Variants in ZNF229 observed in about 807,000 individuals in gnomAD.
The protein encoded by ZNF229 is zinc finger protein 229.
In ZNF229, 10 loss-of-function variants were observed where a neutral mutation model predicts 11.8. That is an observed-to-expected ratio of 0.85 (90% confidence interval 0.52 to 1.44). The LOEUF (loss-of-function observed/expected upper bound fraction) is 1.44, where lower values mean the gene tolerates loss of function less well. Ranked by LOEUF, ZNF229 falls within the 40% of genes most tolerant of loss-of-function variation. The pLI is 0.00. For synonymous variants in ZNF229, 368 were observed against 374.8 expected, an observed-to-expected ratio of 0.98 and a Z score of 0.21; for missense variants, 1,045 against 1,015.1, an observed-to-expected ratio of 1.03 and a Z score of -0.40.
rs763117277 is a variant in ZNF229 at position 44,430,378 on chromosome 19, C to T, written c.403G>A (p.Glu135Lys). 3.1e-6 allele frequency: 5 copies of T among 1,614,182 alleles called. No individual in the cohort carries two copies. The Admixed American group carries it at 8.3e-5, about 27-fold the overall frequency. Residue 135 changes from glutamate to lysine, a missense_variant, in exon 6 of 6, where the codon GAA (glutamate) becomes AAA (lysine). Glu to Lys is a moderately conservative substitution (Grantham distance 56, BLOSUM62 1). Coordinates refer to ENST00000614049, the MANE Select transcript of ZNF229 (RefSeq NM_014518.4). ...CACCCTTGATGGGGAGCAGCATCTT[C>T]TGAGAACTGGAAGTCTTTTCCTTGC... ...NLQGKDFQFS[E>K]DAAPHQGWEG...
intron 4 of ZNF229, among the ~76,000 whole-genome samples, chr19:44,439,029 G>A (rs895113940): frequency 6.6e-6 from 1 of 152,152 alleles, no homozygotes. Context: ...GCAACTGGTG[G>A]GAGGGAGGAG....
chr19:44,440,301 G>T (rs1971886081), intron 4 of ZNF229, among the ~76,000 whole-genome samples: 1 of 151,360 alleles, frequency 6.6e-6, no homozygotes, highest in Admixed American at 6.6e-5. Flanking sequence ...AGAAAGAAAA[G>T]AAAAAGAAAA....
chr19:44,443,643 T>A (rs536783722), intron 2 of ZNF229, among the ~76,000 whole-genome samples: 2 of 152,324 alleles, frequency 1.3e-5, no homozygotes, highest in African/African-American at 2.4e-5. Context: ...ACATTCAATA[T>A]AAACAATAAA....
upstream of ZNF229, chr19:44,448,505 C>A (rs1174395017): frequency 6.6e-6 from 1 of 152,178 alleles, no homozygotes; most frequent in African/African-American, 2.4e-5. Flanking sequence ...GTAGTCGACT[C>A]GAGGTGTGGG....
intron 5 of ZNF229, chr19:44,431,669 G>C: frequency 1.4e-6 from 1 of 738,990 alleles, no homozygotes; most frequent in Non-Finnish European, 1.7e-6. Context: ...CCACAGGCAA[G>C]ACAAGGGGTG....
intron 5 of ZNF229, 197 bp downstream of exon 5, chr19:44,432,025 A>T (rs1971731604): frequency 5.2e-6 from 6 of 1,147,840 alleles, no homozygotes; most frequent in Non-Finnish European, 4.6e-6. Context: ...ACCAGAACCC[A>T]ACTATGCTGG....
chr19:44,444,376 T>C (rs1971969953), intron 2 of ZNF229, among the ~76,000 whole-genome samples: 1 of 152,204 alleles, frequency 6.6e-6, no homozygotes, highest in Non-Finnish European at 1.5e-5. Context: ...TAACCATCTG[T>C]ACCAGCCCTC....
chr19:44,430,174 A>C lies in ZNF229; in HGVS notation c.607T>G (p.Cys203Gly), dbSNP rs375085632. ...VNQLGDVQER[C>G]KNLDTEDTVY... ...GTGTCTTCTGTGTCGAGATTTTTAC[A>C]TCTTTCTTGAACATCCCCTAACTGG... The change falls in exon 6 of 6, where the codon TGT (cysteine) becomes GGT (glycine). Residue 203 changes from cysteine to glycine, a missense_variant. Physicochemically the swap from Cys to Gly is radical, Grantham distance 159 (BLOSUM62 -3). Coordinates refer to ENST00000614049, the MANE Select transcript of ZNF229 (RefSeq NM_014518.4). 2.5e-6 allele frequency: 4 copies of C among 1,613,900 alleles called. No homozygotes were observed. Among genetic ancestry groups the C allele is most frequent in the Non-Finnish European group, 3.4e-6 (4 of 1,180,016 alleles).
Position 44,428,498 on chromosome 19 carries a change from G to A in ZNF229, c.2283C>T (p.Val761=). Residue 761 remains valine, a synonymous_variant, in exon 6 of 6, where the codon GTC becomes GTT. Coordinates refer to ENST00000614049, the MANE Select transcript of ZNF229 (RefSeq NM_014518.4). ...QSSHLQGHQR[V]HTGEKPYKCE... ...ATTTATAGGGTTTCTCACCAGTGTGGACCCTCTGATGACCTTGAAGATGTG... is the reference window on the plus strand; with the variant it reads ...ATTTATAGGGTTTCTCACCAGTGTGAACCCTCTGATGACCTTGAAGATGTG... 1.9e-6 allele frequency: 3 copies of A among 1,613,880 alleles called. No individual in the cohort carries two copies. Among genetic ancestry groups the A allele is most frequent in the East Asian group, 4.5e-5 (2 of 44,864 alleles).
intron 4 of ZNF229, among the ~76,000 whole-genome samples, chr19:44,440,383 A>T (rs191272440): frequency 4.3e-4 from 66 of 152,324 alleles, no homozygotes; most frequent in African/African-American, 1.6e-3. Context: ...CAGAAGTTAC[A>T]CCATTTATCC....
chr19:44,442,498 AG>A (rs1971929769), intron 4 of ZNF229, 64 bp downstream of exon 4: 1 of 1,551,118 alleles, frequency 6.4e-7, no homozygotes, highest in African/African-American at 1.4e-5. Context: ...TTTACCGAGA[AG>A]GGACGTATGT....
chr19:44,434,838 A>T (rs1228313598), intron 4 of ZNF229, among the ~76,000 whole-genome samples: 2 of 152,136 alleles, frequency 1.3e-5, no homozygotes, highest in East Asian at 3.9e-4. Context: ...TCCCCACCCA[A>T]ATCTCATCTT....
Position 44,429,139 on chromosome 19 carries a change from C to T in ZNF229, c.1642G>A (p.Glu548Lys), listed in dbSNP as rs751814595. Residue 548 changes from glutamate (E) to lysine (K), a missense_variant, in exon 6 of 6, where the codon GAG becomes AAG. Glu to Lys is a moderately conservative substitution (Grantham distance 56). Transcript: ENST00000614049. ...CTCCGGCCAAAGCTCTTCCCGCACT[C>T]GCATTTGTAGGGTTTCTCTCCTGTG... ...LHTGEKPYKC[E>K]CGKSFGRSSD... The T allele has an allele frequency of 8.6e-5, 139 of 1,610,574 alleles. No individual in the cohort carries two copies. The highest frequency in any genetic ancestry group is 1.1e-4 in the Non-Finnish European group (132 of 1,179,040).
intron 4 of ZNF229, among the ~76,000 whole-genome samples, chr19:44,439,307 A>C (rs954468286): frequency 2.0e-5 from 3 of 152,198 alleles, no homozygotes; most frequent in Non-Finnish European, 2.9e-5. Context: ...AGACATTTAC[A>C]TCATAGAATT....
chr19:44,435,852 G>A (rs968653476), intron 4 of ZNF229, among the ~76,000 whole-genome samples: 2 of 152,212 alleles, frequency 1.3e-5, no homozygotes, highest in Admixed American at 1.3e-4. Flanking sequence ...TAAGAAGCAC[G>A]GCACATGTAT....
At chr19:44,438,935 T>C (rs987855522) in intron 4 of ZNF229, among the ~76,000 whole-genome samples, 1 of 152,158 alleles carries the variant, frequency 6.6e-6, no homozygotes. Flanking sequence ...TGAGCTGCTC[T>C]AGCAAATTAA....
chr19:44,444,824 A>C (rs1600035364), intron 2 of ZNF229, among the ~76,000 whole-genome samples: 1 of 152,162 alleles, frequency 6.6e-6, no homozygotes, highest in Admixed American at 6.5e-5. Context: ...CAGGGTTTCC[A>C]GAGACTTCCG....
chr19:44,434,697 C>G (rs1338071712), intron 4 of ZNF229, among the ~76,000 whole-genome samples: 1 of 152,176 alleles, frequency 6.6e-6, no homozygotes. Flanking sequence ...GTACCTGCGA[C>G]AAGGTATTGC....
chr19:44,429,082 T>G lies in ZNF229; in HGVS notation c.1699A>C (p.Thr567Pro), dbSNP rs750849502. The change falls in exon 6 of 6, where the codon ACA (threonine) becomes CCA (proline). Residue 567 changes from threonine (T) to proline (P), a missense_variant. Transcript: ENST00000614049. ...SDLHIHQRVH[T>P]GEKPYKCSEC... is the part of the protein sequence containing the mutation. ...CTGCATTTATAGGGTTTCTCTCCTG[T>G]GTGGACCCTCTGATGGATGTGGAGG... 6.2e-7 allele frequency: 1 copy of G among 1,613,666 alleles called. No homozygotes were observed. Among genetic ancestry groups the G allele is most frequent in the African/African-American group, 1.3e-5 (1 of 74,804 alleles).
Sources: allele counts gnomAD v4.1 joint callset (sites outside exome capture counted in the v4.1 genomes callset), GRCh38; gene constraint gnomAD v4.1.1; transcripts MANE v1.5; gene names NCBI Gene and HGNC (gene_info 2026-07-23, HGNC 2026-07-21).